Variants in DCLK2 observed in about 807,000 individuals in gnomAD.
The protein encoded by DCLK2 is serine/threonine-protein kinase DCLK2.
A neutral mutation model predicts 78.4 loss-of-function variants in DCLK2; 31 were observed. The ratio of observed to expected loss-of-function variants is 0.40; its 90% CI spans 0.30 to 0.53. The LOEUF is 0.53. DCLK2 is among the 20% of genes least tolerant of loss of function. DCLK2 has a pLI of 0.61. For missense variants in DCLK2, 872 were observed against 973.7 expected (o/e 0.90, Z 1.39); for synonymous variants, 407 against 374.9 (o/e 1.09, Z -0.99).
intron 4 of DCLK2, among the ~76,000 whole-genome samples, chr4:150,199,951 C>G (rs1258286042): frequency 6.6e-6 from 1 of 152,156 alleles, no homozygotes; most frequent in African/African-American, 2.4e-5. Context: ...CTGTAATGAG[C>G]TATGATGATA....
chr4:150,249,592 A>G lies in DCLK2; in HGVS notation c.1981A>G (p.Met661Val). The G allele has an allele frequency of 6.2e-7, 1 of 1,613,742 alleles. No homozygotes were observed. Among genetic ancestry groups the G allele is most frequent in the Non-Finnish European group, 8.5e-7 (1 of 1,179,976 alleles). The stretch of plus-strand genomic sequence containing the variant: ...GGATGATGCCTCCCAGGAGAATAAC[A>G]TGCAAGCTGAGGTGACAGGTAAACT... ...VSDDASQENNMQAEVTGKLKQ... is the reference protein window; with the variant it reads ...VSDDASQENNVQAEVTGKLKQ... The change falls in exon 15 of 16, where the codon ATG becomes GTG. Residue 661 changes from methionine to valine, a missense_variant. Physicochemically the swap from Met to Val is conservative, Grantham distance 21. Coordinates refer to ENST00000296550, the MANE Select transcript of DCLK2 (RefSeq NM_001040260.4).
chr4:150,251,743 C>T (rs1744162614), intron 15 of DCLK2, among the ~76,000 whole-genome samples: 1 of 118,466 alleles, frequency 8.4e-6, no homozygotes, highest in African/African-American at 3.3e-5. Context: ...CACCCGAACA[C>T]ACCCCACATT....
chr4:150,132,871 TC>T (rs1346177106), intron 2 of DCLK2, among the ~76,000 whole-genome samples: 1 of 152,178 alleles, frequency 6.6e-6, no homozygotes, highest in Non-Finnish European at 1.5e-5. Flanking sequence ...CAAACTGTCC[TC>T]CCACCACAGC....
chr4:150,141,831 C>G (rs887952234), intron 2 of DCLK2, among the ~76,000 whole-genome samples: 1 of 152,032 alleles, frequency 6.6e-6, no homozygotes, highest in Non-Finnish European at 1.5e-5. Context: ...CTTTGTTTTC[C>G]AAGACAAGGA....
chr4:150,216,916 C>T (rs1265528481), intron 5 of DCLK2, among the ~76,000 whole-genome samples: 1 of 152,130 alleles, frequency 6.6e-6, no homozygotes, highest in African/African-American at 2.4e-5. Flanking sequence ...TGAATGGCAT[C>T]CTGAAAAACC....
In DCLK2 at chr4:150,248,288, T is replaced by TTATTTGTAGGAATTACAAATAAA. The variant is rs768812517; in HGVS notation, c.1876-17_1876-16insTATTTGTAGGAATTACAAATAAA. 9 of 1,610,222 alleles carry TTATTTGTAGGAATTACAAATAAA rather than the reference T, an allele frequency of 5.6e-6. No homozygotes were observed. The South Asian group carries it at 6.6e-5, about 12-fold the overall frequency. The stretch of plus-strand genomic sequence containing the variant: ...CTTTCTCCTCCTCTGTGGTCTGACT[T>TTATTTGTAGGAATTACAAATAAA]GTTTGTTTATTTGTAGGAATTAATC... On this transcript the variant is annotated splice_polypyrimidine_tract_variant and intron_variant, in intron 13 of 15. Transcript: ENST00000296550.
intron 5 of DCLK2, among the ~76,000 whole-genome samples, chr4:150,215,360 T>C (rs1740615099): frequency 6.6e-6 from 1 of 152,114 alleles, no homozygotes; most frequent in South Asian, 2.1e-4. Context: ...TCCCCAAAAC[T>C]ACCCCCTTCT....
chr4:150,110,320 ATG>A (rs1731580633), intron 2 of DCLK2, among the ~76,000 whole-genome samples: 1 of 152,334 alleles, frequency 6.6e-6, no homozygotes, highest in South Asian at 2.1e-4. Context: ...TTGTTATAAA[ATG>A]TATTTTTCTT....
At chr4:150,091,952 G>A (rs1730113501) in intron 1 of DCLK2, among the ~76,000 whole-genome samples, 1 of 152,048 alleles carries the variant, frequency 6.6e-6, no homozygotes, top group South Asian at 2.1e-4. Flanking sequence ...TACTCATTGA[G>A]CAGCAGCCTC....
intron 2 of DCLK2, among the ~76,000 whole-genome samples, chr4:150,153,338 G>A (rs989546835): frequency 6.6e-6 from 1 of 152,118 alleles, no homozygotes; most frequent in African/African-American, 2.4e-5. Flanking sequence ...TGATAGCCCT[G>A]TCACTGGATT....
intron 2 of DCLK2, among the ~76,000 whole-genome samples, chr4:150,106,270 A>G (rs911732720): frequency 2.0e-5 from 3 of 152,192 alleles, no homozygotes; most frequent in Non-Finnish European, 2.9e-5. Context: ...GGTTGATATA[A>G]GTATAAAGAT....
At chr4:150,100,124 A>C (rs1730785326) in intron 1 of DCLK2, among the ~76,000 whole-genome samples, 1 of 152,024 alleles carries the variant, frequency 6.6e-6, no homozygotes, top group Admixed American at 6.6e-5. Flanking sequence ...TGTTGCCCAG[A>C]CCTGTCTTGA....
intron 2 of DCLK2, among the ~76,000 whole-genome samples, chr4:150,190,987 A>G (rs1250190384): frequency 6.6e-6 from 1 of 152,210 alleles, no homozygotes; most frequent in East Asian, 1.9e-4. Flanking sequence ...TTAGCTAGGC[A>G]TGGTGCTACA....
At chr4:150,080,434 C>G (rs531593201) in intron 1 of DCLK2, among the ~76,000 whole-genome samples, 1 of 152,136 alleles carries the variant, frequency 6.6e-6, no homozygotes, top group Non-Finnish European at 1.5e-5. Context: ...AACCTGTTTC[C>G]AGTTCTAAAT....
chr4:150,110,256 T>C (rs1272851216), intron 2 of DCLK2, among the ~76,000 whole-genome samples: 1 of 152,228 alleles, frequency 6.6e-6, no homozygotes, highest in Non-Finnish European at 1.5e-5. Flanking sequence ...GCATGCAGCA[T>C]AAAGATAGTG....
At chr4:150,111,426 A>T (rs1036062011) in intron 2 of DCLK2, among the ~76,000 whole-genome samples, 2 of 152,020 alleles carry the variant, frequency 1.3e-5, no homozygotes, top group African/African-American at 4.8e-5. Flanking sequence ...CCTGTTGTGT[A>T]GGTTGTCTGT....
intron 2 of DCLK2, among the ~76,000 whole-genome samples, chr4:150,111,529 G>A (rs2150167488): frequency 6.6e-6 from 1 of 152,056 alleles, no homozygotes; most frequent in African/African-American, 2.4e-5. Flanking sequence ...TGCTTTTGGG[G>A]TCTTAGTCAC....
In DCLK2 at chr4:150,097,950, C is replaced by T. The variant is rs1208904823; in HGVS notation, c.422-4528C>T. Among the ~76,000 whole-genome samples the T allele has an allele frequency of 2.0e-5, 3 of 152,090 alleles. No homozygotes were observed. The East Asian group carries it at 5.8e-4, about 29-fold the overall frequency. On this transcript the variant is annotated intron_variant, in intron 1 of 15. Transcript: ENST00000296550. ...CTAAATTCCCTTTAGCCAAAGACCA[C>T]TGGGCACACACATGTAGTTGAACAA...
chr4:150,134,150 G>T (rs1274517299), intron 2 of DCLK2, among the ~76,000 whole-genome samples: 2 of 138,266 alleles, frequency 1.4e-5, no homozygotes, highest in African/African-American at 5.6e-5. Context: ...GCGCAATCTC[G>T]GGTCACTGCA....
Sources: allele counts gnomAD v4.1 joint callset (sites outside exome capture counted in the v4.1 genomes callset), GRCh38; gene constraint gnomAD v4.1.1; transcripts MANE v1.5; gene names NCBI Gene and HGNC (gene_info 2026-07-23, HGNC 2026-07-21).